Variants in SH3RF3 observed in about 807,000 individuals in gnomAD.
SH3RF3 encodes SH3 domain containing ring finger 3.
SH3RF3 carries 29 observed loss-of-function variants against 66.3 expected under a neutral mutation model. That is an observed-to-expected ratio of 0.44 (90% CI 0.33 to 0.60). SH3RF3 has a LOEUF of 0.60. SH3RF3 is among the 20% of genes least tolerant of loss of function. The pLI is 0.04. For synonymous variants in SH3RF3, 583 were observed against 532.0 expected (o/e 1.10, Z -1.32); for missense variants, 1,194 against 1,190.9 (o/e 1.00, Z -0.04).
intron 2 of SH3RF3, among the ~76,000 whole-genome samples, chr2:109,362,887 C>G (rs1027836646): frequency 6.6e-6 from 1 of 152,040 alleles, no homozygotes; most frequent in Non-Finnish European, 1.5e-5. Context: ...ATATGGATAT[C>G]TTTTGATTAG....
intron 1 of SH3RF3, among the ~76,000 whole-genome samples, chr2:109,301,381 G>C (rs1443923892): frequency 6.6e-6 from 1 of 151,738 alleles, no homozygotes; most frequent in Non-Finnish European, 1.5e-5. Context: ...GTGGTGGGGG[G>C]ACCTTGGGTC....
In SH3RF3 at chr2:109,129,798, G is replaced by A. The variant is rs1167585860; in HGVS notation, c.258G>A (p.Val86=). ...TFCRRCLESI[V]CSRHELRCPE... is the part of the protein sequence containing the mutation. ...GCCGCCGCTGCCTGGAGAGCATCGT[G>A]TGCTCGCGCCACGAGCTGCGCTGCC... The change falls in exon 1 of 10, where the codon GTG becomes GTA. Residue 86 remains valine (V), a synonymous_variant. Transcript: ENST00000309415. 1.9e-6 allele frequency: 3 copies of A among 1,538,768 alleles called. No individual in the cohort carries two copies. Among genetic ancestry groups the A allele is most frequent in the Admixed American group, 2.0e-5 (1 of 50,514 alleles).
At chr2:109,321,139 G>A (rs532360288) in intron 1 of SH3RF3, among the ~76,000 whole-genome samples, 2 of 152,230 alleles carry the variant, frequency 1.3e-5, no homozygotes, top group Non-Finnish European at 1.5e-5. Context: ...CACACAAGAC[G>A]CCATGTGCAT....
At chr2:109,487,868 C>T (rs1265632817) in intron 8 of SH3RF3, among the ~76,000 whole-genome samples, 14 of 152,206 alleles carry the variant, frequency 9.2e-5, no homozygotes, top group African/African-American at 2.9e-4. Context: ...TTCTCAGCAC[C>T]GTGCTAGGCG....
intron 1 of SH3RF3, among the ~76,000 whole-genome samples, chr2:109,175,721 A>AT (rs1677900203): frequency 6.6e-6 from 1 of 152,250 alleles, no homozygotes. Flanking sequence ...TAGAGTGTAC[A>AT]TAAAAATGAA....
At chr2:109,292,445 C>T (rs1681208037) in intron 1 of SH3RF3, among the ~76,000 whole-genome samples, 1 of 152,154 alleles carries the variant, frequency 6.6e-6, no homozygotes, top group Admixed American at 6.5e-5. Context: ...AAAATGTTCT[C>T]AAAATAGGAT....
At chr2:109,192,692 T>C (rs1678398942) in intron 1 of SH3RF3, among the ~76,000 whole-genome samples, 1 of 152,220 alleles carries the variant, frequency 6.6e-6, no homozygotes, top group Non-Finnish European at 1.5e-5. Context: ...GATGACTGCA[T>C]TTTTCAAGGA....
chr2:109,133,486 T>G (rs1429861175), intron 1 of SH3RF3, among the ~76,000 whole-genome samples: 1 of 152,228 alleles, frequency 6.6e-6, no homozygotes. Flanking sequence ...CTGAGGACCT[T>G]TCTTTGAGTT....
At position 109,164,360 on chromosome 2, in the gene SH3RF3, T is replaced by A. The variant is rs184629378; in HGVS notation, c.573+34247T>A. Reference sequence around the variant, plus strand: ...GCAACCCCTGGCTAATTTTTAAAAATTTTGTTAGAGATGGGGTCTTGCTGT... The same window carrying A: ...GCAACCCCTGGCTAATTTTTAAAAAATTTGTTAGAGATGGGGTCTTGCTGT... On this transcript the variant is annotated intron_variant, in intron 1 of 9. Transcript: ENST00000309415. 6.0e-3 allele frequency among the ~76,000 whole-genome samples: 912 copies of A among 152,238 alleles called. 22 individuals carry two copies. Among genetic ancestry groups the A allele is most frequent in the Non-Finnish European group, 3.6e-3 (248 of 68,012 alleles).
intron 1 of SH3RF3, among the ~76,000 whole-genome samples, chr2:109,221,993 A>C (rs1247856870): frequency 8.6e-5 from 13 of 151,364 alleles, no homozygotes; most frequent in South Asian, 2.1e-4. Flanking sequence ...AAAAAAAAAA[A>C]CACAGGGGAT....
chr2:109,254,968 G>A (rs770158730), intron 1 of SH3RF3, among the ~76,000 whole-genome samples: 29 of 152,156 alleles, frequency 1.9e-4, no homozygotes, highest in Non-Finnish European at 4.1e-4. Context: ...ACCTATGTGG[G>A]GCTCTGTGGT....
At chr2:109,459,526 G>C (rs866821070) in intron 8 of SH3RF3, among the ~76,000 whole-genome samples, 20 of 152,244 alleles carry the variant, frequency 1.3e-4, no homozygotes, top group South Asian at 8.3e-4. Context: ...GTGATTGAGA[G>C]CGTGCTAGGA....
intron 1 of SH3RF3, among the ~76,000 whole-genome samples, chr2:109,219,321 T>C (rs1679175438): frequency 1.3e-5 from 2 of 152,234 alleles, no homozygotes; most frequent in African/African-American, 4.8e-5. Flanking sequence ...ATAAGGTTTC[T>C]ACTTCTTTAA....
intron 1 of SH3RF3, among the ~76,000 whole-genome samples, chr2:109,258,180 G>C (rs1444181444): frequency 1.3e-5 from 2 of 152,218 alleles, no homozygotes; most frequent in African/African-American, 4.8e-5. Context: ...GCTTACGAAA[G>C]AGTAAACTTA....
At chr2:109,471,084 T>C (rs1475534719) in intron 8 of SH3RF3, among the ~76,000 whole-genome samples, 1 of 151,874 alleles carries the variant, frequency 6.6e-6, no homozygotes, top group East Asian at 1.9e-4. Context: ...GTTGGGTGTG[T>C]TGGCAGGTGC....
intron 1 of SH3RF3, among the ~76,000 whole-genome samples, chr2:109,240,088 T>C (rs908166794): frequency 6.6e-6 from 1 of 152,194 alleles, no homozygotes; most frequent in Non-Finnish European, 1.5e-5. Context: ...TGAAGGCTGT[T>C]GTATTGCATA....
intron 5 of SH3RF3, among the ~76,000 whole-genome samples, chr2:109,429,808 C>T (rs543480012): frequency 1.3e-5 from 2 of 152,346 alleles, no homozygotes; most frequent in East Asian, 1.9e-4. Flanking sequence ...GCACGTTGCA[C>T]AGGGCCACCC....
intron 4 of SH3RF3, among the ~76,000 whole-genome samples, chr2:109,401,247 G>A: frequency 6.6e-6 from 1 of 152,222 alleles, no homozygotes; most frequent in East Asian, 1.9e-4. Flanking sequence ...GCAACTGTTG[G>A]CGATGTGAAC....
intron 1 of SH3RF3, among the ~76,000 whole-genome samples, chr2:109,325,331 CTTTTTTTTTT>C (rs11298946): frequency 0.015 from 993 of 66,380 alleles, 13 homozygotes; most frequent in African/African-American, 0.06. Flanking sequence ...TTCTTTCTTT[CTTTTTTTTTT>C]TTTTTTTTTT....
Sources: allele counts gnomAD v4.1 joint callset (sites outside exome capture counted in the v4.1 genomes callset), GRCh38; gene constraint gnomAD v4.1.1; transcripts MANE v1.5; gene names NCBI Gene and HGNC (gene_info 2026-07-23, HGNC 2026-07-21).